ZNF622: variants seen among roughly 807,000 people sequenced by gnomAD.
ZNF622 encodes cytoplasmic 60S subunit biogenesis factor ZNF622.
Under a neutral mutation model 49.7 loss-of-function variants are expected in ZNF622, and 34 were observed. That is an observed-to-expected ratio of 0.68 (90% CI 0.52 to 0.91). The LOEUF is 0.91. Among genes scored for constraint, ZNF622 ranks in the 40% least tolerant of loss-of-function variants. The pLI, the probability that ZNF622 is intolerant of heterozygous loss-of-function variation, is 0.00. For missense variants in ZNF622, 569 were observed against 616.4 expected (o/e 0.92, Z 0.81); for synonymous variants, 209 against 228.7 (o/e 0.91, Z 0.78).
At chr5:16,459,471 C>T (rs1004687925) in intron 3 of ZNF622, among the ~76,000 whole-genome samples, 1 of 152,148 alleles carries the variant, frequency 6.6e-6, no homozygotes, top group African/African-American at 2.4e-5. Context: ...GTATAGAAAA[C>T]CACTTTGGAA....
At chr5:16,460,956 G>A (rs1213460512) in intron 3 of ZNF622, among the ~76,000 whole-genome samples, 1 of 152,160 alleles carries the variant, frequency 6.6e-6, no homozygotes, top group African/African-American at 2.4e-5. Flanking sequence ...ATTCTAGAAG[G>A]AGGAGACAAT....
In ZNF622 at chr5:16,463,800, T is replaced by A; in HGVS notation, c.626-58A>T. On this transcript the variant is annotated intron_variant, in intron 1 of 5. Coordinates refer to ENST00000308683, the MANE Select transcript of ZNF622 (RefSeq NM_033414.3). The surrounding 1 kb of genome is among the most constrained non-coding windows in gnomAD (Gnocchi z 4.2). Reference sequence around the variant, plus strand: ...AGAAAAGTAGTAGCAAGCAAAGATATCACAAAAATTCACGAGGTGATACAG... The same window carrying A: ...AGAAAAGTAGTAGCAAGCAAAGATAACACAAAAATTCACGAGGTGATACAG... 6.4e-7 allele frequency: 1 copy of A among 1,561,020 alleles called. No homozygotes were observed. The highest frequency in any genetic ancestry group is 1.2e-5 in the South Asian group (1 of 84,036).
rs552352615 is a variant in ZNF622 at position 16,458,725 on chromosome 5, A to C, written c.1050-96T>G. 4.3e-4 allele frequency: 356 copies of C among 829,750 alleles called. 1 individual carries two copies. The highest frequency in any genetic ancestry group is 7.9e-4 in the Admixed American group (27 of 34,116). The allele number at this position is 829,750 out of a possible 1,614,324, so 51.4% of individuals were successfully genotyped here. The stretch of plus-strand genomic sequence containing the variant: ...GCAAATGTGGCAAACTTCCTAAGCT[A>C]CCTAAAAGGGAGAGGGGAGGAAGCA... On this transcript the variant is annotated intron_variant, in intron 3 of 5. Coordinates refer to ENST00000308683, the MANE Select transcript of ZNF622 (RefSeq NM_033414.3).
chr5:16,454,752 G>A (rs1042200773), intron 4 of ZNF622, among the ~76,000 whole-genome samples: 1 of 152,092 alleles, frequency 6.6e-6, no homozygotes, highest in African/African-American at 2.4e-5. Context: ...ATTATCTCTC[G>A]ATGCTTTGGT....
At chr5:16,464,199 T>G (rs1738171488) in intron 1 of ZNF622, among the ~76,000 whole-genome samples, 1 of 152,176 alleles carries the variant, frequency 6.6e-6, no homozygotes, top group Admixed American at 6.5e-5. Flanking sequence ...AACTTAATCA[T>G]CAATGAAATG....
intron 4 of ZNF622, among the ~76,000 whole-genome samples, chr5:16,456,973 TAGCCAA>T (rs1738036423): frequency 1.3e-5 from 2 of 152,168 alleles, no homozygotes; most frequent in African/African-American, 4.8e-5. Context: ...TTTCTAAGGC[TAGCCAA>T]AGCCAAAAAT....
chr5:16,455,513 C>G lies in ZNF622; in HGVS notation c.1163-2357G>C, dbSNP rs547321740. Among the ~76,000 whole-genome samples, 5 of 152,232 alleles carry G rather than the reference C, an allele frequency of 3.3e-5. No homozygotes were observed. In the South Asian group the frequency reaches 1.0e-3, roughly 32 times the overall value. ...TACTAGTGTGGATAAAAACATTTTCCCTAAACCTGACTGTTTTGACAGCAT... is the reference window on the plus strand; with the variant it reads ...TACTAGTGTGGATAAAAACATTTTCGCTAAACCTGACTGTTTTGACAGCAT... On this transcript the variant is annotated intron_variant, in intron 4 of 5. Transcript: ENST00000308683.
chr5:16,465,568 C>A lies in ZNF622; in HGVS notation c.98G>T (p.Arg33Leu). 6.2e-7 allele frequency: 1 copy of A among 1,613,764 alleles called. No homozygotes were observed. The highest frequency in any genetic ancestry group is 8.5e-7 in the Non-Finnish European group (1 of 1,179,852). Residue 33 changes from arginine (R) to leucine (L), a missense_variant, in exon 1 of 6, where the codon CGG becomes CTG. Physicochemically the swap from Arg to Leu is moderately radical, Grantham distance 102. Transcript: ENST00000308683. This position sits in a 1 kb window ranked among gnomAD's most constrained non-coding sequence, Gnocchi z 6.2. ...TGGGGCCATGCTGGCCACCTTCCGC[C>A]GCAGGTTGTAGCGGTGCCAGTCCGT... Reference protein sequence around the residue: ...YKTDWHRYNLRRKVASMAPVT... With the variant: ...YKTDWHRYNLLRKVASMAPVT...
In ZNF622 at chr5:16,452,551, T is replaced by C. The variant is rs75300848; in HGVS notation, c.1306+462A>G. Among the ~76,000 whole-genome samples, 538 of 152,342 alleles carry C rather than the reference T, an allele frequency of 3.5e-3. 3 individuals are homozygous for C. The highest frequency in any genetic ancestry group is 0.012 in the African/African-American group (484 of 41,574). The stretch of plus-strand genomic sequence containing the variant: ...CCACTCAACTCTAAGAGGTAGGTCT[T>C]ATTACTATCATCTCTGTTTTATAAA... On this transcript the variant is annotated intron_variant, in intron 5 of 5. Coordinates refer to ENST00000308683, the MANE Select transcript of ZNF622 (RefSeq NM_033414.3).
Position 16,451,709 on chromosome 5 carries a change from A to G in ZNF622, c.1382T>C (p.Met461Thr). The G allele has an allele frequency of 6.2e-7, 1 of 1,614,126 alleles. No individual in the cohort carries two copies. Among genetic ancestry groups the G allele is most frequent in the Non-Finnish European group, 8.5e-7 (1 of 1,180,032 alleles). ...MKSKWMLKTG[M>T]KNNATKQMHF... is the part of the protein sequence containing the mutation. ...CATCTGCTTGGTGGCATTGTTCTTC[A>G]TTCCTGTCTTCAGCATCCATTTTGA... Residue 461 changes from methionine to threonine, a missense_variant, in exon 6 of 6, where the codon ATG becomes ACG. Physicochemically the swap from Met to Thr is moderately conservative, Grantham distance 81. Coordinates refer to ENST00000308683, the MANE Select transcript of ZNF622 (RefSeq NM_033414.3).
At chr5:16,462,453 G>A (rs1238825075) in intron 3 of ZNF622, among the ~76,000 whole-genome samples, 1 of 152,138 alleles carries the variant, frequency 6.6e-6, no homozygotes, top group Non-Finnish European at 1.5e-5. Context: ...CTTGGGTCTA[G>A]GAGTTCAAGA....
rs375624605 is a variant in ZNF622 at position 16,463,764 on chromosome 5, T to C, written c.626-22A>G. On this transcript the variant is annotated intron_variant, in intron 1 of 5. Transcript: ENST00000308683. This position sits in a 1 kb window ranked among gnomAD's most constrained non-coding sequence, Gnocchi z 4.2. The stretch of plus-strand genomic sequence containing the variant: ...CAATCTGCAAGCCAGAATTTTGAAA[T>C]ATAAAGTTTAAGAAAAGTAGTAGCA... 11 of 1,607,012 alleles carry C rather than the reference T, an allele frequency of 6.8e-6. No individual in the cohort carries two copies. The African/African-American group carries it at 9.4e-5, about 14-fold the overall frequency.
chr5:16,455,774 G>T (rs1317533244), intron 4 of ZNF622, among the ~76,000 whole-genome samples: 1 of 152,184 alleles, frequency 6.6e-6, no homozygotes, highest in Admixed American at 6.5e-5. Flanking sequence ...CCTACAGCAC[G>T]TTGGCCTTTT....
intron 4 of ZNF622, among the ~76,000 whole-genome samples, chr5:16,456,976 C>G (rs1350231695): frequency 6.6e-6 from 1 of 151,998 alleles, no homozygotes; most frequent in African/African-American, 2.4e-5. Context: ...CTAAGGCTAG[C>G]CAAAGCCAAA....
At chr5:16,455,917 T>TATG (rs1738017354) in intron 4 of ZNF622, among the ~76,000 whole-genome samples, 1 of 152,122 alleles carries the variant, frequency 6.6e-6, no homozygotes, top group South Asian at 2.1e-4. Flanking sequence ...TAGCACCACG[T>TATG]ATGATGGGCT....
chr5:16,465,767 A>C lies in ZNF622; in HGVS notation c.-102T>G. 6.9e-7 allele frequency: 1 copy of C among 1,456,636 alleles called. No homozygotes were observed. Among genetic ancestry groups the C allele is most frequent in the East Asian group, 2.3e-5 (1 of 43,148 alleles). The allele number at this position is 1,456,636 out of a possible 1,614,324, so 90.2% of individuals were successfully genotyped here. Reference sequence around the variant, plus strand: ...TTAACCCGCCTCAGCAGCCAGGAAGAGCCACTCGACACGCCGACTTCCTGA... The same window carrying C: ...TTAACCCGCCTCAGCAGCCAGGAAGCGCCACTCGACACGCCGACTTCCTGA... On this transcript the variant is annotated 5_prime_UTR_variant, in exon 1 of 6. Transcript: ENST00000308683. The surrounding 1 kb of genome is among the most constrained non-coding windows in gnomAD (Gnocchi z 6.2).
Position 16,451,619 on chromosome 5 carries a change from A to C in ZNF622, c.*38T>G. Reference sequence around the variant, plus strand: ...CACTGGTCCTCAGGGCAAGGAGGAAACTTGGGCAGGAGATGATTGCTCAAT... The same window carrying C: ...CACTGGTCCTCAGGGCAAGGAGGAACCTTGGGCAGGAGATGATTGCTCAAT... On this transcript the variant is annotated 3_prime_UTR_variant, in exon 6 of 6. Transcript: ENST00000308683. 1 of 1,604,912 alleles carries C rather than the reference A, an allele frequency of 6.2e-7. No homozygotes were observed. Among genetic ancestry groups the C allele is most frequent in the Non-Finnish European group, 8.5e-7 (1 of 1,175,630 alleles).
At chr5:16,456,397 A>G (rs1287448241) in intron 4 of ZNF622, among the ~76,000 whole-genome samples, 1 of 152,218 alleles carries the variant, frequency 6.6e-6, no homozygotes, top group Non-Finnish European at 1.5e-5. Context: ...ACAATCTTCA[A>G]AATAAATGCT....
intron 4 of ZNF622, among the ~76,000 whole-genome samples, chr5:16,454,485 CT>C (rs1190114602): frequency 1.2e-5 from 1 of 84,140 alleles, no homozygotes; most frequent in East Asian, 2.9e-4. Context: ...AAGACTCCGT[CT>C]CCAAAAAAAA....
Sources: allele counts gnomAD v4.1 joint callset (sites outside exome capture counted in the v4.1 genomes callset), GRCh38; gene constraint gnomAD v4.1.1; non-coding constraint Gnocchi (gnomAD v3.1); transcripts MANE v1.5; gene names NCBI Gene and HGNC (gene_info 2026-07-23, HGNC 2026-07-21).